Variants in RBMS3 observed in about 807,000 individuals in gnomAD.
RBMS3 encodes RNA-binding motif, single-stranded-interacting protein 3.
In RBMS3, 27 loss-of-function variants were observed where a neutral mutation model predicts 66.8. The observed-to-expected ratio is 0.40, with a 90% CI of 0.30 to 0.56. The LOEUF (loss-of-function observed/expected upper bound fraction) is 0.56, where lower values mean the gene tolerates loss of function less well. Among genes scored for constraint, RBMS3 ranks in the 20% least tolerant of loss-of-function variants. The pLI is 0.40. For synonymous variants in RBMS3, 188 were observed against 183.0 expected, an observed-to-expected ratio of 1.03 and a Z score of -0.22; for missense variants, 513 against 549.5, an observed-to-expected ratio of 0.93 and a Z score of 0.66.
chr3:29,349,897 C>T (rs780734707), intron 1 of RBMS3, among the ~76,000 whole-genome samples: 57 of 152,238 alleles, frequency 3.7e-4, no homozygotes, highest in Non-Finnish European at 6.5e-4. Flanking sequence ...AGGTGACTCA[C>T]GCTTGTAATC....
At chr3:29,946,727 A>C (rs1220674067) in intron 12 of RBMS3, among the ~76,000 whole-genome samples, 2 of 151,636 alleles carry the variant, frequency 1.3e-5, no homozygotes, top group Non-Finnish European at 3.0e-5. Flanking sequence ...GAGAAGGCAC[A>C]TAGTAAGGAT....
chr3:29,980,122 C>G (rs1697884995), intron 12 of RBMS3, among the ~76,000 whole-genome samples: 1 of 152,170 alleles, frequency 6.6e-6, no homozygotes, highest in South Asian at 2.1e-4. Context: ...TTAATGATCC[C>G]CAGTCTAACT....
At chr3:29,993,801 C>T (rs541322475) in intron 14 of RBMS3, among the ~76,000 whole-genome samples, 1 of 152,330 alleles carries the variant, frequency 6.6e-6, no homozygotes, top group African/African-American at 2.4e-5. Flanking sequence ...ACTAGAATTA[C>T]ACTGTTGGCT....
chr3:29,911,561 T>G (rs2060512787), intron 10 of RBMS3, among the ~76,000 whole-genome samples: 1 of 152,068 alleles, frequency 6.6e-6, no homozygotes, highest in South Asian at 2.1e-4. Flanking sequence ...ATGTTATTGA[T>G]ATTACTTGGG....
chr3:29,606,471 G>A (rs1174468658), intron 4 of RBMS3, among the ~76,000 whole-genome samples: 1 of 151,878 alleles, frequency 6.6e-6, no homozygotes, highest in African/African-American at 2.4e-5. Flanking sequence ...AATAGAATTT[G>A]GAATCAGAGC....
intron 3 of RBMS3, chr3:29,537,698 C>CT (rs1322024133): frequency 6.6e-6 from 1 of 152,186 alleles, no homozygotes; most frequent in Non-Finnish European, 1.5e-5. Context: ...CGGCCTGAGC[C>CT]TTTAGTCCCA....
intron 3 of RBMS3, among the ~76,000 whole-genome samples, chr3:29,562,618 G>T (rs3773082): frequency 0.023 from 3,499 of 152,180 alleles, 97 homozygotes; most frequent in Admixed American, 0.09. Flanking sequence ...TTGATATATG[G>T]TTACTTGGTT....
intron 4 of RBMS3, among the ~76,000 whole-genome samples, chr3:29,636,502 TGG>T (rs1486113209): frequency 6.6e-6 from 1 of 151,938 alleles, no homozygotes; most frequent in East Asian, 1.9e-4. Context: ...GGTGGAAGGC[TGG>T]TAATCTGTTT....
At chr3:29,417,875 C>G (rs1278326330) in intron 1 of RBMS3, among the ~76,000 whole-genome samples, 1 of 152,060 alleles carries the variant, frequency 6.6e-6, no homozygotes, top group African/African-American at 2.4e-5. Flanking sequence ...TATCGTTTAT[C>G]AATACTCTAT....
intron 7 of RBMS3, among the ~76,000 whole-genome samples, chr3:29,882,803 G>A (rs2059767858): frequency 6.6e-6 from 1 of 151,884 alleles, no homozygotes; most frequent in Non-Finnish European, 1.5e-5. Context: ...ACTCAAACAG[G>A]CAAGGTATTT....
chr3:29,533,425 T>G (rs1469357644), intron 3 of RBMS3, among the ~76,000 whole-genome samples: 1 of 152,136 alleles, frequency 6.6e-6, no homozygotes, highest in Non-Finnish European at 1.5e-5. Flanking sequence ...GAGGCTGCAG[T>G]GAGCTGTGAT....
At chr3:29,754,377 T>C (rs1458915733) in intron 5 of RBMS3, among the ~76,000 whole-genome samples, 1 of 152,170 alleles carries the variant, frequency 6.6e-6, no homozygotes, top group Non-Finnish European at 1.5e-5. Flanking sequence ...TACCTTACAG[T>C]AGAGCTTCAT....
chr3:29,385,407 C>T (rs990116554), intron 1 of RBMS3, among the ~76,000 whole-genome samples: 3 of 152,140 alleles, frequency 2.0e-5, no homozygotes, highest in African/African-American at 7.2e-5. Flanking sequence ...CCTTTATCCT[C>T]AAATTTTCCT....
At chr3:29,780,785 A>G (rs1192205019) in intron 6 of RBMS3, among the ~76,000 whole-genome samples, 1 of 152,102 alleles carries the variant, frequency 6.6e-6, no homozygotes, top group South Asian at 2.1e-4. Context: ...AATACATCTT[A>G]TCTCACAGAA....
chr3:29,380,062 G>C (rs2038686523), intron 1 of RBMS3, among the ~76,000 whole-genome samples: 1 of 152,028 alleles, frequency 6.6e-6, no homozygotes, highest in Admixed American at 6.6e-5. Context: ...AAAAGTATGA[G>C]GATTTGCAAG....
chr3:29,881,311 G>A (rs1426965173), intron 7 of RBMS3, among the ~76,000 whole-genome samples: 2 of 151,944 alleles, frequency 1.3e-5, no homozygotes, highest in South Asian at 2.1e-4. Context: ...CACTCATATG[G>A]CACTTAACAC....
Position 29,300,516 on chromosome 3 carries a change from A to G in RBMS3, c.75+18760A>G, listed in dbSNP as rs867668491. Among the ~76,000 whole-genome samples, 48 of 152,100 alleles carry G rather than the reference A, an allele frequency of 3.2e-4. 1 individual carries two copies. The highest frequency in any genetic ancestry group is 6.8e-3 in the Middle Eastern group (2 of 294). ...GGATATAATGACTGAGGAAAATACCATACTGTTAGAATTTAAAATGTGACA... is the reference window on the plus strand; with the variant it reads ...GGATATAATGACTGAGGAAAATACCGTACTGTTAGAATTTAAAATGTGACA... On this transcript the variant is annotated intron_variant, in intron 1 of 14. Coordinates refer to ENST00000383767, the MANE Select transcript of RBMS3 (RefSeq NM_001003793.3).
At chr3:29,566,126 T>C (rs1223281915) in intron 3 of RBMS3, among the ~76,000 whole-genome samples, 1 of 152,192 alleles carries the variant, frequency 6.6e-6, no homozygotes, top group Non-Finnish European at 1.5e-5. Context: ...GAATGTGTGG[T>C]AAGATGATAT....
intron 4 of RBMS3, among the ~76,000 whole-genome samples, chr3:29,644,100 T>C (rs1185959912): frequency 6.6e-6 from 1 of 152,154 alleles, no homozygotes; most frequent in Admixed American, 6.5e-5. Context: ...ATCCAAACAT[T>C]TGAATCTAAT....
Sources: allele counts gnomAD v4.1 joint callset (sites outside exome capture counted in the v4.1 genomes callset), GRCh38; gene constraint gnomAD v4.1.1; transcripts MANE v1.5; gene names NCBI Gene and HGNC (gene_info 2026-07-23, HGNC 2026-07-21).